The following ABCA1 variants were observed in gnomAD, a reference collection of about 807,000 sequenced individuals.
ABCA1 encodes ATP binding cassette subfamily A member 1.
Under a neutral mutation model 262.5 loss-of-function variants are expected in ABCA1, and 133 were observed. That is an observed-to-expected ratio of 0.51 (90% confidence interval 0.44 to 0.59). The LOEUF is 0.59. Ranked by LOEUF, ABCA1 falls within the 20% of genes least tolerant of loss-of-function variation. The pLI, the probability that ABCA1 is intolerant of heterozygous loss-of-function variation, is 0.00. For synonymous variants in ABCA1, 1,022 were observed against 1,043.5 expected (o/e 0.98, Z 0.40); for missense variants, 2,452 against 2,777.5 (o/e 0.88, Z 2.63).
rs2118991984 is a variant in ABCA1 at position 104,827,091 on chromosome 9, G to A, written c.2194C>T (p.Gln732Ter). Reference sequence around the variant, plus strand: ...AAGAGTGTGCTAATCAGGAAGCACTGCAGGATTGTCACCACAGCAAACACG... The same window carrying A: ...AAGAGTGTGCTAATCAGGAAGCACTACAGGATTGTCACCACAGCAAACACG... ...LSVFAVVTIL[Q>*]CFLISTLFSR... Residue 732 changes from glutamine to a stop codon, truncating the protein, a stop_gained, in exon 16 of 50, where the codon CAG becomes TAG. Coordinates refer to ENST00000374736, the MANE Select transcript of ABCA1 (RefSeq NM_005502.4). LOFTEE classifies it high-confidence loss of function. 6.2e-7 allele frequency: 1 copy of A among 1,614,174 alleles called. No homozygotes were observed. Among genetic ancestry groups the A allele is most frequent in the South Asian group, 1.1e-5 (1 of 91,076 alleles).
At chr9:104,925,312 G>A (rs1842364793) in intron 1 of ABCA1, among the ~76,000 whole-genome samples, 1 of 122,592 alleles carries the variant, frequency 8.2e-6, no homozygotes, top group Non-Finnish European at 1.8e-5. Flanking sequence ...AGGAGGTGGA[G>A]GTTGCAGTGA....
rs1461682152 is a variant in ABCA1 at position 104,825,847 on chromosome 9, T to C, written c.2378A>G (p.Tyr793Cys). The C allele has an allele frequency of 5.6e-6, 9 of 1,614,074 alleles. No homozygotes were observed. Among genetic ancestry groups the C allele is most frequent in the Non-Finnish European group, 7.6e-6 (9 of 1,180,042 alleles). The change falls in exon 17 of 50, where the codon TAC becomes TGC. Residue 793 changes from tyrosine (Y) to cysteine (C), a missense_variant. Physicochemically the swap from Tyr to Cys is radical, Grantham distance 194. Around this residue, in one of 4 missense-constraint regions of ABCA1, gnomAD observed 1,032 missense variants for 1,089.7 expected, o/e 0.95. Transcript: ENST00000374736. ...GCCCTGCTCCTCAAAAAGGGCAAAG[T>C]ACTCACAGCCAAACCCAAAAGCCAC... ...SPVAFGFGCE[Y>C]FALFEEQGIG...
chr9:104,811,247 C>T (rs912662601), intron 28 of ABCA1, among the ~76,000 whole-genome samples: 3 of 152,242 alleles, frequency 2.0e-5, no homozygotes, highest in Non-Finnish European at 4.4e-5. Flanking sequence ...GCCCTTCCTC[C>T]TCCTGAAGAC....
Position 104,883,084 on chromosome 9 carries a change from G to T in ABCA1, c.376C>A (p.Arg126Ser). 1 of 1,614,032 alleles carries T rather than the reference G, an allele frequency of 6.2e-7. No individual in the cohort carries two copies. The highest frequency in any genetic ancestry group is 8.5e-7 in the Non-Finnish European group (1 of 1,180,014). The change falls in exon 5 of 50, where the codon CGC becomes AGC. Residue 126 changes from arginine to serine, a missense_variant. By Grantham distance (110) the Arg-to-Ser change is moderately radical. Around this residue, in one of 4 missense-constraint regions of ABCA1, gnomAD observed 1,032 missense variants for 1,089.7 expected, o/e 0.95. Transcript: ENST00000374736. ...TGCTGTAATGTTCTCAGAACTTTGC[G>T]CATGTCCTTCATGCTGGTGTCTTTC... is the stretch of plus-strand genomic sequence containing the variant. ...SQKDTSMKDMRKVLRTLQQIK... is the reference protein window; with the variant it reads ...SQKDTSMKDMSKVLRTLQQIK...
intron 18 of ABCA1, 65 bp downstream of exon 18, chr9:104,824,400 C>T: frequency 6.2e-7 from 1 of 1,609,074 alleles, no homozygotes; most frequent in Non-Finnish European, 8.5e-7. Flanking sequence ...CATCGCTTGC[C>T]CCCAACAGTT....
intron 7 of ABCA1, among the ~76,000 whole-genome samples, chr9:104,853,312 G>C (rs1171574607): frequency 6.6e-6 from 1 of 152,220 alleles, no homozygotes. Flanking sequence ...TGAGGCAATG[G>C]TGAGTCAAGG....
chr9:104,855,513 C>G, intron 7 of ABCA1: 1 of 740,136 alleles, frequency 1.4e-6, no homozygotes, highest in Non-Finnish European at 2.0e-6. Flanking sequence ...CTGAAAACTT[C>G]TATCTTGACG....
At chr9:104,838,251 C>T (rs192174634) in intron 9 of ABCA1, among the ~76,000 whole-genome samples, 7 of 148,420 alleles carry the variant, frequency 4.7e-5, no homozygotes, top group Admixed American at 6.8e-5. Flanking sequence ...TGCAGTGAGC[C>T]GAGATTGTGT....
At chr9:104,876,279 G>A (rs1426621715) in intron 5 of ABCA1, among the ~76,000 whole-genome samples, 1 of 152,178 alleles carries the variant, frequency 6.6e-6, no homozygotes, top group South Asian at 2.1e-4. Context: ...CAAGAGCCTC[G>A]CTAAGTGTGG....
Position 104,806,403 on chromosome 9 carries a change from T to C in ABCA1, c.4302A>G (p.Glu1434=). 6.2e-7 allele frequency: 1 copy of C among 1,614,148 alleles called. No individual in the cohort carries two copies. Among genetic ancestry groups the C allele is most frequent in the Non-Finnish European group, 8.5e-7 (1 of 1,180,020 alleles). ...IPDTPCQAGE[E]EWTTAPVPQT... ...GGGGAACTGGGGCAGTGGTCCACTC[T>C]TCCTCCCCTGCCTGGCAGGGCGTGT... The change falls in exon 31 of 50, where the codon GAA becomes GAG. Residue 1434 remains glutamate, a synonymous_variant. Coordinates refer to ENST00000374736, the MANE Select transcript of ABCA1 (RefSeq NM_005502.4).
At chr9:104,872,478 T>A (rs1468140520) in intron 5 of ABCA1, among the ~76,000 whole-genome samples, 2 of 152,200 alleles carry the variant, frequency 1.3e-5, no homozygotes, top group South Asian at 2.1e-4. Context: ...CGATTCAACG[T>A]ACAACTTTAC....
chr9:104,855,023 T>C (rs1440740771), intron 7 of ABCA1: 2 of 419,860 alleles, frequency 4.8e-6, no homozygotes, highest in Non-Finnish European at 6.4e-6. Flanking sequence ...ACAACAGCGT[T>C]CTGACATCCA....
At position 104,876,176 on chromosome 9, in the gene ABCA1, T is replaced by TC. The variant is rs1236523209; in HGVS notation, c.421+6862dup. 2.0e-5 allele frequency among the ~76,000 whole-genome samples: 3 copies of TC among 152,124 alleles called. No individual in the cohort carries two copies. In the East Asian group the frequency reaches 5.8e-4, roughly 29 times the overall value. Reference sequence around the variant, plus strand: ...GCCAGCTAAAAAAAGATGGAGAACTTCCCCAGATGCCCCACAAGTCTAGGA... The same window carrying TC: ...GCCAGCTAAAAAAAGATGGAGAACTTCCCCCAGATGCCCCACAAGTCTAGGA... On this transcript the variant is annotated intron_variant, in intron 5 of 49. Coordinates refer to ENST00000374736, the MANE Select transcript of ABCA1 (RefSeq NM_005502.4).
chr9:104,828,802 G>T, intron 15 of ABCA1, 114 bp downstream of exon 15: 1 of 1,076,910 alleles, frequency 9.3e-7, no homozygotes, highest in Non-Finnish European at 1.4e-6. Context: ...GAAATGACAG[G>T]TATGACCCCT....
intron 1 of ABCA1, among the ~76,000 whole-genome samples, chr9:104,914,397 G>A (rs1042620713): frequency 6.6e-6 from 1 of 151,568 alleles, no homozygotes; most frequent in African/African-American, 2.4e-5. Context: ...AAACCATCAA[G>A]TGAGACCATC....
chr9:104,784,636 T>TTTA lies in ABCA1; in HGVS notation c.6646-182_6646-181insTAA, dbSNP rs1416828147. ...AATACTTGAAAAAAGCAATAACAAC[T>TTTA]TAAAAATAGACTTTTTTTCCCCCCT... is the stretch of plus-strand genomic sequence containing the variant. On this transcript the variant is annotated intron_variant, in intron 49 of 49. Coordinates refer to ENST00000374736, the MANE Select transcript of ABCA1 (RefSeq NM_005502.4). Among the ~76,000 whole-genome samples the TTTA allele has an allele frequency of 4.6e-5, 7 of 152,256 alleles. No homozygotes were observed. In the East Asian group the frequency reaches 1.4e-3, roughly 29 times the overall value.
At chr9:104,840,995 G>A (rs1317059904) in intron 8 of ABCA1, among the ~76,000 whole-genome samples, 3 of 152,120 alleles carry the variant, frequency 2.0e-5, no homozygotes, top group African/African-American at 2.4e-5. Flanking sequence ...TCTCATCCTC[G>A]ATAACTGACT....
intron 5 of ABCA1, among the ~76,000 whole-genome samples, chr9:104,866,325 T>C (rs1363874239): frequency 6.6e-6 from 1 of 151,900 alleles, no homozygotes; most frequent in Non-Finnish European, 1.5e-5. Flanking sequence ...GGCAGGAAAA[T>C]GGGTGGAAAG....
chr9:104,912,731 C>T (rs1340404150), intron 1 of ABCA1, among the ~76,000 whole-genome samples: 1 of 152,166 alleles, frequency 6.6e-6, no homozygotes, highest in Non-Finnish European at 1.5e-5. Context: ...CCACTATTTG[C>T]CTTTTCCCTG....
Sources: allele counts gnomAD v4.1 joint callset (sites outside exome capture counted in the v4.1 genomes callset), GRCh38; gene constraint gnomAD v4.1.1; regional missense constraint gnomAD v4.1.1; transcripts MANE v1.5; gene names NCBI Gene and HGNC (gene_info 2026-07-23, HGNC 2026-07-21).